The following PDE1C variants were observed in gnomAD, a reference collection of about 807,000 sequenced individuals.
The protein encoded by PDE1C is phosphodiesterase 1C, also known as dual specificity calcium/calmodulin-dependent 3',5'-cyclic nucleotide phosphodiesterase 1C.
A neutral mutation model predicts 93.1 loss-of-function variants in PDE1C; 62 were observed. That is an observed-to-expected ratio of 0.67 (90% CI 0.54 to 0.82). PDE1C has a LOEUF of 0.82. Ranked by LOEUF, PDE1C falls within the 40% of genes least tolerant of loss-of-function variation. The pLI, the probability that PDE1C is intolerant of heterozygous loss-of-function variation, is 0.00. For synonymous variants in PDE1C, 325 were observed against 310.1 expected (o/e 1.05, Z -0.50); for missense variants, 742 against 884.6 (o/e 0.84, Z 2.04).
chr7:31,648,922 AT>A, the PDE1C span, among the ~76,000 whole-genome samples: 1 of 152,356 alleles, frequency 6.6e-6, no homozygotes, highest in African/African-American at 2.4e-5. Context: ...TTAACTAGCC[AT>A]TCTATGTCAG....
At chr7:32,393,832 A>G (rs1036414504) in intron 1 of PDE1C, among the ~76,000 whole-genome samples, 1 of 152,176 alleles carries the variant, frequency 6.6e-6, no homozygotes. Context: ...ATTTTTTCCA[A>G]CACTAAAGTC....
intron 3 of PDE1C, among the ~76,000 whole-genome samples, chr7:32,162,544 T>C (rs1479937471): frequency 6.6e-6 from 1 of 151,844 alleles, no homozygotes; most frequent in African/African-American, 2.4e-5. Context: ...GAAAGTTGGG[T>C]GGCAGTGTCT....
intron 13 of PDE1C, 108 bp downstream of exon 13, chr7:31,824,759 C>T: frequency 2.1e-6 from 3 of 1,426,196 alleles, no homozygotes; most frequent in Non-Finnish European, 2.9e-6. Flanking sequence ...TGAGAAGGAG[C>T]TAAGGCAAAT....
chr7:31,789,815 C>T (rs901023342), intron 16 of PDE1C: 16 of 995,460 alleles, frequency 1.6e-5, no homozygotes, highest in Admixed American at 1.2e-4. Context: ...TTTAAAGTAA[C>T]GGCATTGACA....
At chr7:32,152,527 G>A (rs1400621723) in intron 3 of PDE1C, among the ~76,000 whole-genome samples, 1 of 152,188 alleles carries the variant, frequency 6.6e-6, no homozygotes, top group Non-Finnish European at 1.5e-5. Context: ...CCAGGCTGAT[G>A]GGAATTGCTG....
chr7:32,206,972 C>A (rs556249404), intron 2 of PDE1C, among the ~76,000 whole-genome samples: 1 of 152,330 alleles, frequency 6.6e-6, no homozygotes, highest in South Asian at 2.1e-4. Flanking sequence ...TCTTCCCTAA[C>A]CCTCACTTCT....
Position 32,420,202 on chromosome 7 carries a change from T to C in PDE1C, c.310+7620A>G, listed in dbSNP as rs4720060. Among the ~76,000 whole-genome samples, 2 of 35,586 alleles carry C rather than the reference T, an allele frequency of 5.6e-5. 1 individual carries two copies. The highest frequency in any genetic ancestry group is 2.0e-4 in the African/African-American group (2 of 9,902). The allele number at this position is 35,586 out of a possible 152,430, so 23.3% of individuals were successfully genotyped here. ...ATACACATATATATGTGTATATATA[T>C]ACATATATATGTATATATACATATA... On this transcript the variant is annotated intron_variant, in intron 1 of 1. Coordinates refer to the PDE1C transcript ENST00000672256.
intron 1 of PDE1C, among the ~76,000 whole-genome samples, chr7:32,369,526 T>C (rs966968272): frequency 3.9e-5 from 6 of 152,176 alleles, no homozygotes; most frequent in African/African-American, 1.4e-4. Context: ...GGAACTCTTA[T>C]ATACTGTTGG....
At chr7:31,885,332 G>C (rs569241164) in intron 2 of PDE1C, among the ~76,000 whole-genome samples, 1 of 152,332 alleles carries the variant, frequency 6.6e-6, no homozygotes, top group South Asian at 2.1e-4. Flanking sequence ...AATAGTTCCA[G>C]TATAGAAGTG....
At chr7:32,023,326 A>G (rs1051324120) in intron 2 of PDE1C, among the ~76,000 whole-genome samples, 7 of 152,122 alleles carry the variant, frequency 4.6e-5, no homozygotes, top group African/African-American at 9.7e-5. Flanking sequence ...AAACAACCTT[A>G]GCCACTGTTA....
intron 2 of PDE1C, among the ~76,000 whole-genome samples, chr7:31,985,635 T>C (rs1474368866): frequency 6.6e-6 from 1 of 152,014 alleles, no homozygotes; most frequent in Non-Finnish European, 1.5e-5. Flanking sequence ...AGTGTTCTTA[T>C]TGTTCAGTTC....
intron 7 of PDE1C, among the ~76,000 whole-genome samples, chr7:31,851,897 T>G (rs1793386168): frequency 6.6e-6 from 1 of 152,176 alleles, no homozygotes; most frequent in Non-Finnish European, 1.5e-5. Flanking sequence ...TCAGTTTGCT[T>G]CATGCACATC....
At chr7:31,956,104 C>A (rs1808091013) in intron 2 of PDE1C, among the ~76,000 whole-genome samples, 1 of 150,578 alleles carries the variant, frequency 6.6e-6, no homozygotes. Flanking sequence ...TCTACTTTTT[C>A]TCCCCGCTTT....
chr7:31,858,394 T>G (rs966692135), intron 7 of PDE1C, among the ~76,000 whole-genome samples: 3 of 152,126 alleles, frequency 2.0e-5, no homozygotes, highest in African/African-American at 4.8e-5. Flanking sequence ...GGTGGCTGTT[T>G]AGAAAACCTA....
intron 2 of PDE1C, among the ~76,000 whole-genome samples, chr7:31,943,312 C>G (rs1806101468): frequency 6.6e-6 from 1 of 152,146 alleles, no homozygotes; most frequent in African/African-American, 2.4e-5. Context: ...CAGGGAGGCT[C>G]AGAACACATG....
At chr7:31,927,618 CT>C (rs1563047634) in intron 2 of PDE1C, among the ~76,000 whole-genome samples, 3 of 152,208 alleles carry the variant, frequency 2.0e-5, no homozygotes, top group Non-Finnish European at 4.4e-5. Context: ...GCAATCTTTG[CT>C]TTTCTGCAGC....
intron 3 of PDE1C, among the ~76,000 whole-genome samples, chr7:32,142,197 A>G (rs2128781300): frequency 6.6e-6 from 1 of 152,150 alleles, no homozygotes; most frequent in East Asian, 1.9e-4. Context: ...GAGAAGGGGG[A>G]AGGAGGAGGA....
intron 1 of PDE1C, among the ~76,000 whole-genome samples, chr7:32,369,231 C>T (rs1342159029): frequency 6.6e-6 from 1 of 152,140 alleles, no homozygotes; most frequent in Non-Finnish European, 1.5e-5. Flanking sequence ...AAAATATTTG[C>T]AAACTACCCA....
intron 1 of PDE1C, among the ~76,000 whole-genome samples, chr7:32,317,406 G>A (rs17161177): frequency 0.11 from 16,946 of 151,974 alleles, 1,348 homozygotes; most frequent in East Asian, 0.39. Flanking sequence ...ATGGAGACCC[G>A]TCCTCTCAAA....
Sources: allele counts gnomAD v4.1 joint callset (sites outside exome capture counted in the v4.1 genomes callset), GRCh38; gene constraint gnomAD v4.1.1; transcripts MANE v1.5; gene names NCBI Gene and HGNC (gene_info 2026-07-23, HGNC 2026-07-21).